Variants in ANO3 observed in about 807,000 individuals in gnomAD.
The protein encoded by ANO3 is anoctamin 3, also known as anoctamin-3.
Under a neutral mutation model 144.8 loss-of-function variants are expected in ANO3, and 99 were observed. The observed-to-expected ratio is 0.68, with a 90% CI of 0.58 to 0.81. The LOEUF (loss-of-function observed/expected upper bound fraction) is 0.81, where lower values mean the gene tolerates loss of function less well. Among genes scored for constraint, ANO3 ranks in the 30% least tolerant of loss-of-function variants. The pLI is 0.00. For synonymous variants in ANO3, 414 were observed against 392.6 expected (o/e 1.05, Z -0.64); for missense variants, 905 against 1,202.2 (o/e 0.75, Z 3.66).
chr11:26,423,314 T>G (rs866388076), intron 1 of ANO3, among the ~76,000 whole-genome samples: 3,951 of 149,120 alleles, frequency 0.026, 185 homozygotes, highest in African/African-American at 0.09. Flanking sequence ...TTATACTTTT[T>G]TTTTTTTTTT....
chr11:26,387,073 T>C (rs1856752792), intron 1 of ANO3, among the ~76,000 whole-genome samples: 1 of 150,762 alleles, frequency 6.6e-6, no homozygotes, highest in African/African-American at 2.4e-5. Context: ...GAGAAGAGGG[T>C]AAGAGACAGA....
At chr11:26,310,893 C>T (rs1240642601) in intron 1 of ANO3, among the ~76,000 whole-genome samples, 2 of 152,148 alleles carry the variant, frequency 1.3e-5, no homozygotes, top group Non-Finnish European at 2.9e-5. Flanking sequence ...CAGTAAAAGC[C>T]ACTTGGGATG....
Position 26,568,500 on chromosome 11 carries a change from A to G in ANO3, c.1447+8721A>G, listed in dbSNP as rs113520067. Among the ~76,000 whole-genome samples the G allele has an allele frequency of 8.4e-4, 128 of 151,930 alleles. 1 individual carries two copies. Among genetic ancestry groups the G allele is most frequent in the African/African-American group, 3.0e-3 (125 of 41,484 alleles). On this transcript the variant is annotated intron_variant, in intron 14 of 26. Coordinates refer to ENST00000256737, the MANE Select transcript of ANO3 (RefSeq NM_031418.4). ...TTTTTTTTTAATACAGCCTCTCCAAATTTAATTATTTTAACCAGAGCAGTT... is the reference window on the plus strand; with the variant it reads ...TTTTTTTTTAATACAGCCTCTCCAAGTTTAATTATTTTAACCAGAGCAGTT...
intron 24 of ANO3, among the ~76,000 whole-genome samples, chr11:26,655,732 ATAAGT>A (rs1327265586): frequency 1.3e-5 from 2 of 152,194 alleles, no homozygotes; most frequent in Non-Finnish European, 2.9e-5. Context: ...TATATGTTTA[ATAAGT>A]TAAGTAAAAA....
chr11:26,232,374 A>T (rs2133803281), intron 1 of ANO3, among the ~76,000 whole-genome samples: 1 of 152,260 alleles, frequency 6.6e-6, no homozygotes, highest in Middle Eastern at 3.4e-3. Flanking sequence ...AGAAAAACAG[A>T]GTCAAGAGGA....
intron 1 of ANO3, among the ~76,000 whole-genome samples, chr11:26,267,763 T>G (rs1374431746): frequency 6.6e-6 from 1 of 152,190 alleles, no homozygotes; most frequent in East Asian, 1.9e-4. Context: ...AATGATCTTG[T>G]GCACTTATTT....
At chr11:26,198,397 A>C (rs1446042669) in intron 1 of ANO3, among the ~76,000 whole-genome samples, 2 of 152,120 alleles carry the variant, frequency 1.3e-5, no homozygotes, top group Admixed American at 6.6e-5. Context: ...TGGTCATTTA[A>C]GGGAGAAATG....
At chr11:26,191,351 C>CACAT (rs1305100960) in intron 1 of ANO3, among the ~76,000 whole-genome samples, 1 of 151,906 alleles carries the variant, frequency 6.6e-6, no homozygotes, top group Non-Finnish European at 1.5e-5. Context: ...CACACACACA[C>CACAT]ACACACACAC....
chr11:26,463,737 C>T (rs1442176090), intron 4 of ANO3, among the ~76,000 whole-genome samples: 1 of 151,870 alleles, frequency 6.6e-6, no homozygotes, highest in Non-Finnish European at 1.5e-5. Flanking sequence ...CCTGCCATCC[C>T]TCAAACAAAA....
At chr11:26,397,316 T>C (rs1031048486) in intron 1 of ANO3, among the ~76,000 whole-genome samples, 1 of 152,098 alleles carries the variant, frequency 6.6e-6, no homozygotes, top group Admixed American at 6.6e-5. Flanking sequence ...AGATCTAACC[T>C]CATAGCCTAG....
intron 21 of ANO3, among the ~76,000 whole-genome samples, chr11:26,641,168 A>G (rs1853137850): frequency 6.6e-6 from 1 of 151,962 alleles, no homozygotes; most frequent in African/African-American, 2.4e-5. Context: ...TTGGGCTAAG[A>G]AAACAGTATT....
At chr11:26,505,349 G>A (rs1163763678) in intron 4 of ANO3, among the ~76,000 whole-genome samples, 1 of 152,158 alleles carries the variant, frequency 6.6e-6, no homozygotes, top group African/African-American at 2.4e-5. Context: ...ATTTCATTTT[G>A]GACAATTAAC....
Position 26,304,020 on chromosome 11 carries a change from T to C in ANO3, c.155-5625T>C, listed in dbSNP as rs537427974. On this transcript the variant is annotated intron_variant, in intron 1 of 27. Coordinates refer to the ANO3 transcript ENST00000672621. Reference sequence around the variant, plus strand: ...GAGCCATCGTGCACGGCCAAAATTATTTTTTTAAGTTTCTTGTGATCAAAT... The same window carrying C: ...GAGCCATCGTGCACGGCCAAAATTACTTTTTTAAGTTTCTTGTGATCAAAT... Among the ~76,000 whole-genome samples, 58 of 152,276 alleles carry C rather than the reference T, an allele frequency of 3.8e-4. 1 individual carries two copies. The highest frequency in any genetic ancestry group is 1.3e-3 in the African/African-American group (56 of 41,554).
rs1851204731 is a variant in ANO3 at position 26,583,965 on chromosome 11, T to C, written c.1448-14400T>C. Among the ~76,000 whole-genome samples, 3 of 152,330 alleles carry C rather than the reference T, an allele frequency of 2.0e-5. No homozygotes were observed. The South Asian group carries it at 6.2e-4, about 32-fold the overall frequency. On this transcript the variant is annotated intron_variant, in intron 14 of 26. Coordinates refer to ENST00000256737, the MANE Select transcript of ANO3 (RefSeq NM_031418.4). ...TCTCCGTATTCAGACATATTTAGCT[T>C]CATTTGTGTTTGAACTGACCCCTTT...
chr11:26,369,115 A>T lies in ANO3; in HGVS notation c.46+36794A>T, dbSNP rs533206410. On this transcript the variant is annotated intron_variant, in intron 1 of 26. Coordinates refer to ENST00000256737, the MANE Select transcript of ANO3 (RefSeq NM_031418.4). ...TAAATTTAACTCTAAAGCAATAGAA[A>T]TATTTTCCAGCCATGTAAGTCTGTG... Among the ~76,000 whole-genome samples the T allele has an allele frequency of 1.1e-4, 16 of 152,166 alleles. No homozygotes were observed. In the East Asian group the frequency reaches 3.1e-3, roughly 29 times the overall value.
chr11:26,463,187 C>A, intron 4 of ANO3, 39 bp downstream of exon 4: 1 of 1,110,766 alleles, frequency 9.0e-7, no homozygotes, highest in Non-Finnish European at 1.3e-6. Flanking sequence ...ATTTTTAGAG[C>A]ATCATTTTTA....
At chr11:26,369,987 G>A (rs1440394552) in intron 1 of ANO3, among the ~76,000 whole-genome samples, 2 of 152,068 alleles carry the variant, frequency 1.3e-5, no homozygotes, top group Non-Finnish European at 2.9e-5. Flanking sequence ...CTTGATGTGA[G>A]GATTAAACCT....
upstream of ANO3, chr11:26,332,003 A>G: frequency 1.1e-6 from 1 of 879,808 alleles, no homozygotes; most frequent in Non-Finnish European, 1.7e-6. Context: ...CTCAACGCCC[A>G]CCCCTCACTG....
chr11:26,407,564 T>A (rs1272883201), intron 1 of ANO3, among the ~76,000 whole-genome samples: 2 of 151,910 alleles, frequency 1.3e-5, no homozygotes, highest in Non-Finnish European at 2.9e-5. Flanking sequence ...CAGGCCATCA[T>A]CTGCCCTCCT....
Sources: allele counts gnomAD v4.1 joint callset (sites outside exome capture counted in the v4.1 genomes callset), GRCh38; gene constraint gnomAD v4.1.1; transcripts MANE v1.5; gene names NCBI Gene and HGNC (gene_info 2026-07-23, HGNC 2026-07-21).